ZNF343: variants seen among roughly 807,000 people sequenced by gnomAD.
ZNF343 encodes the protein zinc finger protein 343.
ZNF343 carries 11 observed loss-of-function variants against 13.8 expected under a neutral mutation model. That is an observed-to-expected ratio of 0.80 (90% confidence interval 0.50 to 1.32). The LOEUF is 1.32. Ranked by LOEUF, ZNF343 falls within the 40% of genes most tolerant of loss-of-function variation. ZNF343 has a pLI of 0.00. For synonymous variants in ZNF343, 248 were observed against 260.0 expected (o/e 0.95, Z 0.44); for missense variants, 658 against 714.2 (o/e 0.92, Z 0.90).
intron 1 of ZNF343, among the ~76,000 whole-genome samples, chr20:2,505,685 A>G (rs1471148987): frequency 6.6e-6 from 1 of 152,240 alleles, no homozygotes; most frequent in African/African-American, 2.4e-5. Flanking sequence ...AAAACAAGAA[A>G]TGGGGAAAGG....
At chr20:2,510,628 A>G (rs2085733355), upstream of ZNF343, among the ~76,000 whole-genome samples, 1 of 152,160 alleles carries the variant, frequency 6.6e-6, no homozygotes, top group Non-Finnish European at 1.5e-5. Flanking sequence ...GAAAGGACCA[A>G]TTCCCTTCTC....
Position 2,483,148 on chromosome 20 carries a change from C to T in ZNF343, c.*13G>A, listed in dbSNP as rs367599171. ...GTCTTGTTCATGACCCCTGCATACACAGGTTTCTCCCGTCAGTGTGTCCTC... is the reference window on the plus strand; with the variant it reads ...GTCTTGTTCATGACCCCTGCATACATAGGTTTCTCCCGTCAGTGTGTCCTC... On this transcript the variant is annotated 3_prime_UTR_variant, in exon 6 of 6. Transcript: ENST00000278772. The T allele has an allele frequency of 6.3e-7, 1 of 1,591,076 alleles. No homozygotes were observed. Among genetic ancestry groups the T allele is most frequent in the Admixed American group, 1.7e-5 (1 of 58,722 alleles).
At chr20:2,522,061 A>C (rs1479252640) in intron 1 of ZNF343, among the ~76,000 whole-genome samples, 1 of 152,088 alleles carries the variant, frequency 6.6e-6, no homozygotes, top group African/African-American at 2.4e-5. Flanking sequence ...AAGTTACTCT[A>C]AGAAGGTCCT....
chr20:2,497,927 G>A (rs1331439193), intron 2 of ZNF343, among the ~76,000 whole-genome samples: 2 of 151,566 alleles, frequency 1.3e-5, no homozygotes, highest in Non-Finnish European at 2.9e-5. Context: ...CCAGGAAGCA[G>A]GGCTGCTCAA....
chr20:2,494,156 C>T lies in ZNF343; in HGVS notation c.-149-112G>A, dbSNP rs73892461. ...TCACACCCTCCTCATTCAACAAACA[C>T]GGAGTCTCCATCTACATGGGATCCC... is the stretch of plus-strand genomic sequence containing the variant. On this transcript the variant is annotated intron_variant, in intron 2 of 5. Transcript: ENST00000278772. 6.1e-4 allele frequency: 239 copies of T among 391,910 alleles called. 1 individual carries two copies. Among genetic ancestry groups the T allele is most frequent in the African/African-American group, 4.4e-3 (213 of 48,682 alleles). 24.3% of individuals were successfully genotyped at this position (391,910 alleles called of 1,614,324 possible).
At chr20:2,487,611 C>A (rs892232860) in intron 5 of ZNF343, among the ~76,000 whole-genome samples, 4 of 152,196 alleles carry the variant, frequency 2.6e-5, no homozygotes, top group African/African-American at 2.4e-5. Context: ...ATCTTTTATA[C>A]AGAAACAATG....
In ZNF343 at chr20:2,493,577, C is replaced by T. The variant is rs201103686; in HGVS notation, c.119G>A (p.Gly40Asp). ...KKLTQNHKAKGLPSNDTDCPQ... is the reference protein window; with the variant it reads ...KKLTQNHKAKDLPSNDTDCPQ... ...GCAGTCAGTATCATTAGAAGGCAAGCCTAGGGAAAGAAAAAGAAGCTATGA... is the reference window on the plus strand; with the variant it reads ...GCAGTCAGTATCATTAGAAGGCAAGTCTAGGGAAAGAAAAAGAAGCTATGA... The change falls in exon 4 of 6, where the codon GGC (glycine) becomes GAC (aspartate). Residue 40 changes from glycine (G) to aspartate (D), a missense_variant and splice_region_variant. Transcript: ENST00000278772. 1 of 1,613,152 alleles carries T rather than the reference C, an allele frequency of 6.2e-7. No homozygotes were observed.
intron 2 of ZNF343, among the ~76,000 whole-genome samples, chr20:2,496,364 G>A (rs761549608): frequency 6.6e-6 from 1 of 152,196 alleles, no homozygotes; most frequent in Admixed American, 6.5e-5. Flanking sequence ...CAAGTTCACT[G>A]TGGCAGGAGG....
chr20:2,524,171 G>T (rs539315137), intron 1 of ZNF343, among the ~76,000 whole-genome samples: 1 of 151,852 alleles, frequency 6.6e-6, no homozygotes, highest in South Asian at 2.1e-4. Context: ...AATAAAATTA[G>T]CTGGGCATGG....
chr20:2,515,238 G>A (rs11907638), intron 1 of ZNF343, among the ~76,000 whole-genome samples: 135 of 152,198 alleles, frequency 8.9e-4, no homozygotes, highest in African/African-American at 3.1e-3. Flanking sequence ...AGACACCTTC[G>A]TCTTATTATT....
At chr20:2,494,772 G>GAA (rs36059987) in intron 2 of ZNF343, among the ~76,000 whole-genome samples, 309 of 144,074 alleles carry the variant, frequency 2.1e-3, no homozygotes, top group Non-Finnish European at 2.5e-3. Context: ...CCTGTCTCAA[G>GAA]AAAAAAAAAA....
intron 5 of ZNF343, among the ~76,000 whole-genome samples, chr20:2,490,957 C>T (rs1263519677): frequency 6.6e-6 from 1 of 152,098 alleles, no homozygotes; most frequent in Non-Finnish European, 1.5e-5. Context: ...GGCGCTAGTT[C>T]AAACCAGAGC....
intron 1 of ZNF343, among the ~76,000 whole-genome samples, chr20:2,524,295 A>G (rs2085795280): frequency 6.6e-6 from 1 of 152,156 alleles, no homozygotes; most frequent in Non-Finnish European, 1.5e-5. Flanking sequence ...TGGGGGACAA[A>G]GGGAGACCCT....
chr20:2,511,679 A>T (rs2085739786), upstream of ZNF343, among the ~76,000 whole-genome samples: 1 of 152,244 alleles, frequency 6.6e-6, no homozygotes, highest in South Asian at 2.1e-4. Flanking sequence ...GTCTATTCAT[A>T]AAAGAGAAAA....
intron 2 of ZNF343, among the ~76,000 whole-genome samples, chr20:2,496,491 T>C (rs1451943416): frequency 1.3e-5 from 2 of 152,050 alleles, no homozygotes; most frequent in African/African-American, 4.8e-5. Flanking sequence ...TGAGAAGCCA[T>C]TGGAGTATTT....
chr20:2,493,859 A>G lies in ZNF343; in HGVS notation c.37T>C (p.Tyr13His). 1 of 1,613,800 alleles carries G rather than the reference A, an allele frequency of 6.2e-7. No homozygotes were observed. Among genetic ancestry groups the G allele is most frequent in the Non-Finnish European group, 8.5e-7 (1 of 1,179,808 alleles). The change falls in exon 3 of 6, where the codon TAC (tyrosine) becomes CAC (histidine). Residue 13 changes from tyrosine to histidine, a missense_variant. By Grantham distance (83) the Tyr-to-His change is moderately conservative (BLOSUM62 2). Transcript: ENST00000278772. ...LPYPSALGDQ[Y>H]WEEILLPKNG... ...TTTGGAAGCAAAATCTCTTCCCAGTATTGATCTCCCAGTGCTGAAGGATAA... is the reference window on the plus strand; with the variant it reads ...TTTGGAAGCAAAATCTCTTCCCAGTGTTGATCTCCCAGTGCTGAAGGATAA...
chr20:2,522,592 T>C (rs1186994400), intron 1 of ZNF343, among the ~76,000 whole-genome samples: 2 of 152,250 alleles, frequency 1.3e-5, no homozygotes, highest in Non-Finnish European at 2.9e-5. Flanking sequence ...GTTTCAATTT[T>C]AACATAAGCT....
intron 1 of ZNF343, among the ~76,000 whole-genome samples, chr20:2,503,610 T>G (rs1276247279): frequency 1.3e-5 from 2 of 152,084 alleles, no homozygotes; most frequent in Non-Finnish European, 2.9e-5. Flanking sequence ...ACAAACTGTC[T>G]CTCAGACCAC....
chr20:2,521,519 A>G (rs1367011889), intron 1 of ZNF343, among the ~76,000 whole-genome samples: 3 of 152,036 alleles, frequency 2.0e-5, no homozygotes, highest in Non-Finnish European at 4.4e-5. Context: ...CTGATGGGAG[A>G]CCTCTGGGGA....
Sources: gnomAD v4.1 joint callset for allele counts (sites outside exome capture counted in the v4.1 genomes callset) on GRCh38, gnomAD v4.1.1 for gene constraint, MANE v1.5 for transcripts, NCBI Gene and HGNC (gene_info 2026-07-23, HGNC 2026-07-21) for gene names.